Variants in MIPOL1 observed in about 807,000 individuals in gnomAD.
MIPOL1 encodes mirror-image polydactyly gene 1 protein.
MIPOL1 carries 57 observed loss-of-function variants against 60.9 expected under a neutral mutation model. That is an observed-to-expected ratio of 0.94 (90% CI 0.76 to 1.17). The LOEUF is 1.17. MIPOL1 is among the 50% of genes most tolerant of loss of function. The probability of loss-of-function intolerance (pLI) is 0.00; values close to 1 mark genes in which losing one functional copy is unlikely to be tolerated. For synonymous variants in MIPOL1, 179 were observed against 168.8 expected (o/e 1.06, Z -0.47); for missense variants, 551 against 511.6 (o/e 1.08, Z -0.74).
At chr14:37,289,619 C>G (rs1194440280) in intron 7 of MIPOL1, among the ~76,000 whole-genome samples, 2 of 152,164 alleles carry the variant, frequency 1.3e-5, no homozygotes, top group Non-Finnish European at 2.9e-5. Context: ...CTTCCGTGCC[C>G]TCCTTGGGTA....
intron 12 of MIPOL1, among the ~76,000 whole-genome samples, chr14:37,509,736 T>C (rs1276066013): frequency 6.6e-6 from 1 of 151,392 alleles, no homozygotes; most frequent in African/African-American, 2.4e-5. Context: ...CACATGTGTA[T>C]CACATGCACA....
intron 10 of MIPOL1, among the ~76,000 whole-genome samples, chr14:37,422,435 A>C (rs1181460467): frequency 1.3e-5 from 2 of 151,994 alleles, no homozygotes; most frequent in African/African-American, 4.8e-5. Context: ...GAGTTTTACT[A>C]TTAATAAAGT....
At chr14:37,512,662 A>G (rs1731893072) in intron 12 of MIPOL1, among the ~76,000 whole-genome samples, 1 of 152,024 alleles carries the variant, frequency 6.6e-6, no homozygotes, top group Admixed American at 6.6e-5. Flanking sequence ...GTTCTTGTCA[A>G]CTTTACCTGT....
intron 1 of MIPOL1, among the ~76,000 whole-genome samples, chr14:37,230,748 T>C (rs939442333): frequency 3.9e-5 from 6 of 152,156 alleles, no homozygotes; most frequent in African/African-American, 7.2e-5. Context: ...AGGACTGATA[T>C]ATAAGCTTTG....
rs2095561032 is a variant in MIPOL1, at chr14:37,551,232, CAAAT to C, written c.*4265_*4268del. On this transcript the variant is annotated 3_prime_UTR_variant, in exon 13 of 13. Coordinates refer to ENST00000684589, the MANE Select transcript of MIPOL1 (RefSeq NM_001388067.1). ...TTAAAATATATATTTACTTTGTACT[CAAAT>C]AAAATCCCCTATTGCAAATCCTATA... 3 of 152,008 alleles carry C rather than the reference CAAAT, an allele frequency of 2.0e-5. No homozygotes were observed. Among genetic ancestry groups the C allele is most frequent in the South Asian group, 2.1e-4 (1 of 4,830 alleles). The allele number at this position is 152,008 out of a possible 1,614,324, so 9.4% of individuals were successfully genotyped here. A position where few individuals can be genotyped will look rare whatever the true frequency, so the allele number is the denominator to read the frequency against.
intron 1 of MIPOL1, chr14:37,240,484 A>T (rs1972173995): frequency 6.6e-6 from 1 of 152,164 alleles, no homozygotes; most frequent in Non-Finnish European, 1.5e-5. Flanking sequence ...AAACCTTTGT[A>T]TGAAGGAGTG....
At chr14:37,520,348 AAGTT>A (rs1217663957) in intron 12 of MIPOL1, among the ~76,000 whole-genome samples, 1 of 152,192 alleles carries the variant, frequency 6.6e-6, no homozygotes, top group African/African-American at 2.4e-5. Context: ...ACTTTTATGA[AAGTT>A]AGGAAGGAAC....
At chr14:37,307,310 G>A (rs1186255707) in intron 7 of MIPOL1, among the ~76,000 whole-genome samples, 3 of 151,802 alleles carry the variant, frequency 2.0e-5, no homozygotes, top group Non-Finnish European at 4.4e-5. Context: ...TTGAATGGTT[G>A]CCTAAATTAT....
intron 9 of MIPOL1, among the ~76,000 whole-genome samples, chr14:37,338,500 C>G (rs2090353475): frequency 6.7e-6 from 1 of 148,512 alleles, no homozygotes; most frequent in African/African-American, 2.5e-5. Flanking sequence ...CCTCTGCCTC[C>G]CAGATTCAAG....
intron 12 of MIPOL1, among the ~76,000 whole-genome samples, chr14:37,513,747 G>A (rs1331701501): frequency 6.6e-6 from 1 of 152,108 alleles, no homozygotes; most frequent in East Asian, 1.9e-4. Flanking sequence ...TTACAACATG[G>A]CTTTTTGCAT....
intron 11 of MIPOL1, among the ~76,000 whole-genome samples, chr14:37,444,877 G>A (rs982537088): frequency 3.3e-5 from 5 of 152,000 alleles, no homozygotes; most frequent in East Asian, 1.9e-4. Flanking sequence ...ATTCAACAAC[G>A]CTTCATGCTA....
intron 7 of MIPOL1, among the ~76,000 whole-genome samples, chr14:37,286,384 G>A (rs186491136): frequency 0.015 from 2,324 of 152,250 alleles, 28 homozygotes; most frequent in Middle Eastern, 0.024. Flanking sequence ...TTAGGCCTGG[G>A]TTGGGACTGG....
At chr14:37,465,589 A>G (rs1356842104) in intron 11 of MIPOL1, among the ~76,000 whole-genome samples, 1 of 152,112 alleles carries the variant, frequency 6.6e-6, no homozygotes, top group Non-Finnish European at 1.5e-5. Flanking sequence ...TTTCAATTTT[A>G]ACCCTTTTGA....
intron 11 of MIPOL1, among the ~76,000 whole-genome samples, chr14:37,474,569 C>T (rs1487201829): frequency 2.0e-5 from 3 of 152,150 alleles, no homozygotes; most frequent in Non-Finnish European, 4.4e-5. Flanking sequence ...TATGAGGTCT[C>T]CCTAGCCATG....
chr14:37,234,263 AT>A (rs201446881), intron 1 of MIPOL1, among the ~76,000 whole-genome samples: 29 of 145,820 alleles, frequency 2.0e-4, no homozygotes, highest in South Asian at 4.3e-4. Context: ...GGTCACGACA[AT>A]TTTTTTTTTT....
intron 1 of MIPOL1, among the ~76,000 whole-genome samples, chr14:37,220,530 A>G (rs1326823392): frequency 3.9e-5 from 6 of 152,198 alleles, no homozygotes; most frequent in Non-Finnish European, 1.5e-5. Flanking sequence ...TGATATCCCA[A>G]AGTAGAACAT....
At chr14:37,465,335 C>T (rs557779420) in intron 11 of MIPOL1, among the ~76,000 whole-genome samples, 17 of 152,142 alleles carry the variant, frequency 1.1e-4, no homozygotes, top group Non-Finnish European at 2.4e-4. Flanking sequence ...AGACCATCAA[C>T]AGCATCTTAA....
rs116741757 is a variant in MIPOL1, at chr14:37,230,806, T to C, written c.-198-16297T>C. Among the ~76,000 whole-genome samples the C allele has an allele frequency of 5.0e-3, 760 of 152,262 alleles. 5 individuals carry two copies. The highest frequency in any genetic ancestry group is 0.017 in the African/African-American group (717 of 41,550). ...TAGGTGGCGCTGTATACTAATGATA[T>C]TGTGCTACTGCATGGCAAACAAGGG... On this transcript the variant is annotated intron_variant, in intron 1 of 12. Coordinates refer to ENST00000684589, the MANE Select transcript of MIPOL1 (RefSeq NM_001388067.1).
At chr14:37,219,535 T>A (rs1968378900) in intron 1 of MIPOL1, 1 of 152,076 alleles carries the variant, frequency 6.6e-6, no homozygotes. Flanking sequence ...TGCCTAAAAT[T>A]TTTTTAATGT....
Sources: gnomAD v4.1 joint callset for allele counts (sites outside exome capture counted in the v4.1 genomes callset) on GRCh38, gnomAD v4.1.1 for gene constraint, MANE v1.5 for transcripts, NCBI Gene and HGNC (gene_info 2026-07-23, HGNC 2026-07-21) for gene names.